DCT: variants seen among roughly 807,000 people sequenced by gnomAD.
The protein encoded by DCT is L-dopachrome tautomerase.
In DCT, 47 loss-of-function variants were observed where a neutral mutation model predicts 53.0. The ratio of observed to expected loss-of-function variants is 0.89; its 90% CI spans 0.70 to 1.13. DCT has a LOEUF of 1.13. Among genes scored for constraint, DCT ranks in the 50% most tolerant of loss-of-function variants. DCT has a pLI of 0.00. For synonymous variants in DCT, 244 were observed against 237.0 expected, an observed-to-expected ratio of 1.03 and a Z score of -0.27; for missense variants, 669 against 637.4, an observed-to-expected ratio of 1.05 and a Z score of -0.53.
At chr13:94,520,263 C>A in the DCT span, among the ~76,000 whole-genome samples, 1 of 152,128 alleles carries the variant, frequency 6.6e-6, no homozygotes, top group African/African-American at 2.4e-5. Flanking sequence ...GGTCTCTTAG[C>A]CAAAATAGTT....
intron 1 of DCT, among the ~76,000 whole-genome samples, chr13:94,472,517 CAT>C (rs1884714811): frequency 2.1e-5 from 1 of 47,800 alleles, no homozygotes; most frequent in South Asian, 7.4e-4. Context: ...TATATACATA[CAT>C]ACATATATAT....
Position 94,460,175 on chromosome 13 carries a change from C to T in DCT, c.1095G>A (p.Val365=), listed in dbSNP as rs1883689872. The change falls in exon 6 of 8, where the codon GTG becomes GTA. Residue 365 remains valine (V), a synonymous_variant. Coordinates refer to ENST00000377028, the MANE Select transcript of DCT (RefSeq NM_001922.5). The stretch of plus-strand genomic sequence containing the variant: ...AATGAACCAAATTATGAAGGCTCAT[C>T]ACTTGAGAATCCAGAGTCCCATCTG... The part of the protein sequence containing the change: ...DKADGTLDSQ[V]MSLHNLVHSF... The T allele has an allele frequency of 6.2e-7, 1 of 1,613,880 alleles. No homozygotes were observed. The highest frequency in any genetic ancestry group is 1.3e-5 in the African/African-American group (1 of 75,048).
At chr13:94,451,251 A>G (rs1326709892) in intron 6 of DCT, among the ~76,000 whole-genome samples, 1 of 152,256 alleles carries the variant, frequency 6.6e-6, no homozygotes, top group African/African-American at 2.4e-5. Context: ...GCATAAATAC[A>G]TGCTCACAAT....
intron 6 of DCT, among the ~76,000 whole-genome samples, chr13:94,448,790 G>C (rs1882893492): frequency 1.3e-5 from 2 of 152,002 alleles, no homozygotes; most frequent in Non-Finnish European, 2.9e-5. Flanking sequence ...TGTGATCCCA[G>C]CTATTCGGGA....
chr13:94,472,561 TATATATA>T lies in DCT; in HGVS notation c.296-3523_296-3517del, dbSNP rs1488033569. 8.9e-4 allele frequency among the ~76,000 whole-genome samples: 22 copies of T among 24,822 alleles called. 1 individual carries two copies. Among genetic ancestry groups the T allele is most frequent in the African/African-American group, 1.4e-3 (7 of 4,950 alleles). The allele number at this position is 24,822 out of a possible 152,430, so 16.3% of individuals were successfully genotyped here. On this transcript the variant is annotated intron_variant, in intron 1 of 7. Transcript: ENST00000377028. ...ATATATATATATATATATATATATA[TATATATA>T]TTTTTTTTTTTTTTTTTTTTTTTTT...
chr13:94,529,875 A>T, the DCT span, among the ~76,000 whole-genome samples: 1 of 152,364 alleles, frequency 6.6e-6, no homozygotes, highest in South Asian at 2.1e-4. Flanking sequence ...AAAGATCAAC[A>T]AAATTGATAG....
intron 6 of DCT, among the ~76,000 whole-genome samples, chr13:94,455,847 C>T (rs1883379505): frequency 6.6e-6 from 1 of 152,144 alleles, no homozygotes; most frequent in Non-Finnish European, 1.5e-5. Flanking sequence ...CTACTTATAA[C>T]ATATTGGAGT....
intron 2 of DCT, chr13:94,468,005 G>A (rs1884344977): frequency 6.6e-6 from 1 of 152,210 alleles, no homozygotes; most frequent in South Asian, 2.1e-4. Context: ...GTTTGTAACA[G>A]ACAACCCCCT....
chr13:94,449,652 C>T (rs543816652), intron 6 of DCT, among the ~76,000 whole-genome samples: 34 of 152,296 alleles, frequency 2.2e-4, no homozygotes, highest in Non-Finnish European at 3.4e-4. Flanking sequence ...AGAAGGTATA[C>T]ATTAAAAGGT....
At chr13:94,490,669 A>C in the DCT span, among the ~76,000 whole-genome samples, 2 of 151,964 alleles carry the variant, frequency 1.3e-5, no homozygotes, top group East Asian at 1.9e-4. Context: ...AAGCTAAAAA[A>C]ACCTCCAAAC....
At chr13:94,487,986 T>C in the DCT span, among the ~76,000 whole-genome samples, 1 of 152,328 alleles carries the variant, frequency 6.6e-6, no homozygotes, top group South Asian at 2.1e-4. Context: ...GAATGCATTT[T>C]TTATAGTTCA....
the DCT span, among the ~76,000 whole-genome samples, chr13:94,549,313 C>G: frequency 6.6e-6 from 1 of 152,234 alleles, no homozygotes. Context: ...CCATCGGAGC[C>G]TCGGGTCTCA....
chr13:94,488,708 T>A, the DCT span, among the ~76,000 whole-genome samples: 1 of 146,532 alleles, frequency 6.8e-6, no homozygotes, highest in Non-Finnish European at 1.5e-5. Context: ...CGGCCAGACC[T>A]TCTTGTCTAA....
chr13:94,466,730 G>C (rs972112699), intron 2 of DCT, 72 bp from the exon 3 acceptor site: 12 of 965,684 alleles, frequency 1.2e-5, no homozygotes, highest in Non-Finnish European at 1.9e-5. Context: ...TACCTGGGCT[G>C]TATCTATAGA....
At chr13:94,483,397 A>G (rs544260211), upstream of DCT, among the ~76,000 whole-genome samples, 6 of 151,940 alleles carry the variant, frequency 3.9e-5, 1 homozygote, top group South Asian at 1.2e-3. Context: ...TAACCCAGTC[A>G]GGCTCCATAG....
At chr13:94,444,421 G>A (rs781005459) in intron 6 of DCT, 7 of 516,736 alleles carry the variant, frequency 1.4e-5, no homozygotes, top group Admixed American at 3.9e-5. Context: ...TTGCTGTTAT[G>A]CCAGCAAAAG....
chr13:94,515,955 A>G, the DCT span, among the ~76,000 whole-genome samples: 1 of 152,140 alleles, frequency 6.6e-6, no homozygotes, highest in Admixed American at 6.5e-5. Context: ...CCCAGAGAGA[A>G]CATATGCAGA....
chr13:94,440,400 T>G (rs1211066422), intron 7 of DCT, among the ~76,000 whole-genome samples: 1 of 152,164 alleles, frequency 6.6e-6, no homozygotes, highest in African/African-American at 2.4e-5. Flanking sequence ...TTTGTGAAAG[T>G]GCATGCTAAA....
intron 6 of DCT, among the ~76,000 whole-genome samples, chr13:94,450,699 C>A (rs1883023844): frequency 6.6e-6 from 1 of 152,160 alleles, no homozygotes; most frequent in Non-Finnish European, 1.5e-5. Context: ...TCTGCTAGGT[C>A]AACTTTAAAA....
Sources: allele counts gnomAD v4.1 joint callset (sites outside exome capture counted in the v4.1 genomes callset), GRCh38; gene constraint gnomAD v4.1.1; transcripts MANE v1.5; gene names NCBI Gene and HGNC (gene_info 2026-07-23, HGNC 2026-07-21).